The following OC90 variants were observed in gnomAD, a reference collection of about 807,000 sequenced individuals.
The protein encoded by OC90 is otoconin-90.
OC90 carries 46 observed loss-of-function variants against 47.3 expected under a neutral mutation model. The ratio of observed to expected loss-of-function variants is 0.97; its 90% CI spans 0.77 to 1.24. The LOEUF is 1.24. Among genes scored for constraint, OC90 ranks in the 50% most tolerant of loss-of-function variants. The pLI is 0.00. For synonymous variants in OC90, 271 were observed against 219.5 expected (o/e 1.23, Z -2.07); for missense variants, 688 against 583.9 (o/e 1.18, Z -1.84).
chr8:132,036,346 CT>C, intron 9 of OC90: 1 of 780,436 alleles, frequency 1.3e-6, no homozygotes. Flanking sequence ...CCAGGCTGTC[CT>C]TTTCCAAATT....
At chr8:132,058,352 T>C (rs1300060441) in intron 1 of OC90, among the ~76,000 whole-genome samples, 1 of 152,152 alleles carries the variant, frequency 6.6e-6, no homozygotes, top group East Asian at 1.9e-4. Context: ...CCCAAGGAAG[T>C]CTCTGGGGCT....
chr8:132,041,683 G>C lies in OC90; in HGVS notation c.186C>G (p.His62Gln). Residue 62 changes from histidine (H) to glutamine (Q), a missense_variant, in exon 5 of 14, where the codon CAC becomes CAG. His to Gln is a conservative substitution (Grantham distance 24). Transcript: ENST00000254627. ...VAEIFDCLGP[H>Q]FTWLQAVFTN... Reference sequence around the variant, plus strand: ...TGAAGACAGCCTGCAGCCAGGTGAAGTGGGGGCCCAGGCAATCTGTGGGGG... The same window carrying C: ...TGAAGACAGCCTGCAGCCAGGTGAACTGGGGGCCCAGGCAATCTGTGGGGG... 1 of 1,603,456 alleles carries C rather than the reference G, an allele frequency of 6.2e-7. No individual in the cohort carries two copies.
At chr8:132,050,657 G>T (rs905599941) in intron 2 of OC90, among the ~76,000 whole-genome samples, 2 of 152,072 alleles carry the variant, frequency 1.3e-5, no homozygotes, top group African/African-American at 4.8e-5. Context: ...TGAGACAATT[G>T]TATCTGCCTG....
At chr8:132,045,253 C>T (rs1485553317) in intron 3 of OC90, among the ~76,000 whole-genome samples, 2 of 152,134 alleles carry the variant, frequency 1.3e-5, no homozygotes, top group Non-Finnish European at 2.9e-5. Context: ...TTTGGTTGAC[C>T]CAACTCACTC....
chr8:132,048,533 T>C (rs527436999), intron 2 of OC90, among the ~76,000 whole-genome samples: 40 of 151,508 alleles, frequency 2.6e-4, no homozygotes, highest in African/African-American at 9.8e-4. Flanking sequence ...TTTTCCTGAC[T>C]GAAAAACCCT....
rs1217770918 is a variant in OC90 at position 132,045,834 on chromosome 8, T to C, written c.96A>G (p.Gly32=). The change falls in exon 3 of 14, where the codon GGA becomes GGG. Residue 32 remains glycine (G), a synonymous_variant. Transcript: ENST00000254627. ...TPHLPQELPP[G]LPNNINITFF... is the part of the protein sequence containing the mutation. ...AATCCTTACTGATATTGTTTGGGAGTCCTGGAGGCAGCTCCTGTGGAAGAT... is the reference window on the plus strand; with the variant it reads ...AATCCTTACTGATATTGTTTGGGAGCCCTGGAGGCAGCTCCTGTGGAAGAT... 4 of 1,543,584 alleles carry C rather than the reference T, an allele frequency of 2.6e-6. No homozygotes were observed. The East Asian group carries it at 9.8e-5, about 38-fold the overall frequency.
At chr8:132,028,718 A>C (rs1563727726) in intron 13 of OC90, among the ~76,000 whole-genome samples, 1 of 147,948 alleles carries the variant, frequency 6.8e-6, no homozygotes. Context: ...GAAAGAAAGA[A>C]AGAAAGAGAA....
At chr8:132,034,596 A>G (rs771837695) in intron 10 of OC90, among the ~76,000 whole-genome samples, 185 bp downstream of exon 10, 4 of 152,162 alleles carry the variant, frequency 2.6e-5, no homozygotes, top group Non-Finnish European at 4.4e-5. Context: ...TTTGGTGTTA[A>G]TCACCCTCCC....
intron 2 of OC90, among the ~76,000 whole-genome samples, chr8:132,050,155 A>G (rs1823192660): frequency 6.9e-6 from 1 of 145,808 alleles, no homozygotes; most frequent in Admixed American, 7.1e-5. Context: ...GAAGCTTTCT[A>G]GGTAAAGGGG....
intron 2 of OC90, among the ~76,000 whole-genome samples, chr8:132,053,797 C>T (rs1034890090): frequency 6.6e-6 from 1 of 152,172 alleles, no homozygotes; most frequent in Non-Finnish European, 1.5e-5. Flanking sequence ...TCTCCCTCTC[C>T]TAATGCAAAT....
At chr8:132,059,158 A>C in intron 1 of OC90, among the ~76,000 whole-genome samples, 183 bp downstream of exon 1, 9 of 125,318 alleles carry the variant, frequency 7.2e-5, no homozygotes, top group South Asian at 5.1e-4. Context: ...GCCTCTTTCC[A>C]TCTCCCAACC....
intron 1 of OC90, among the ~76,000 whole-genome samples, chr8:132,055,594 A>G (rs1823270877): frequency 6.6e-6 from 1 of 152,340 alleles, no homozygotes; most frequent in Non-Finnish European, 1.5e-5. Flanking sequence ...TTCAACGATC[A>G]CTTGACATAG....
At chr8:132,045,422 T>C (rs1278540185) in intron 3 of OC90, among the ~76,000 whole-genome samples, 3 of 152,202 alleles carry the variant, frequency 2.0e-5, no homozygotes, top group Non-Finnish European at 2.9e-5. Context: ...GAAACAAATA[T>C]GGATCCTCCT....
chr8:132,041,480 T>A (rs765615328), intron 5 of OC90, 45 bp downstream of exon 5: 30 of 1,557,876 alleles, frequency 1.9e-5, no homozygotes, highest in African/African-American at 4.1e-5. Context: ...AGGCCTCCCA[T>A]GAGCTCACTT....
At chr8:132,032,752 G>A (rs997976545) in intron 11 of OC90, among the ~76,000 whole-genome samples, 2 of 152,120 alleles carry the variant, frequency 1.3e-5, no homozygotes, top group Non-Finnish European at 2.9e-5. Context: ...CGGTGTGGAC[G>A]AAGCCAAGCT....
Position 132,024,580 on chromosome 8 carries a change from G to A in OC90, c.1335C>T (p.Asp445=), listed in dbSNP as rs772851932. 2 of 1,613,434 alleles carry A rather than the reference G, an allele frequency of 1.2e-6. No individual in the cohort carries two copies. The highest frequency in any genetic ancestry group is 4.5e-5 in the East Asian group (2 of 44,858). Residue 445 remains aspartate (D), a synonymous_variant, in exon 14 of 14, where the codon GAC becomes GAT. Coordinates refer to ENST00000254627, the MANE Select transcript of OC90 (RefSeq NM_001080399.3). ...APTLGSSSEE[D]SEEDPPQEDL... ...CCTCCTGTGGAGGGTCCTCCTCGCT[G>A]TCCTCCTCAGAGCTGGAGCCCAGGG...
Position 132,041,608 on chromosome 8 carries a change from A to G in OC90, c.261T>C (p.Ala87=), listed in dbSNP as rs1206619786. The change falls in exon 5 of 14, where the codon GCT becomes GCC. Residue 87 remains alanine, a synonymous_variant. Coordinates refer to ENST00000254627, the MANE Select transcript of OC90 (RefSeq NM_001080399.3). ...CTTCAAAGTCTCGGGGGCAGAGACC[A>G]GCCACACACTTCATACCATTGACAA... ...IQFVNGMKCV[A]GLCPRDFEDY... is the part of the protein sequence containing the mutation. 6.2e-7 allele frequency: 1 copy of G among 1,613,222 alleles called. No individual in the cohort carries two copies. The highest frequency in any genetic ancestry group is 8.5e-7 in the Non-Finnish European group (1 of 1,179,592).
intron 13 of OC90, among the ~76,000 whole-genome samples, chr8:132,028,526 AAAAG>A (rs372685836): frequency 6.9e-4 from 60 of 87,562 alleles, no homozygotes; most frequent in African/African-American, 1.0e-3. Flanking sequence ...AGAAAGAAAG[AAAAG>A]AAAGAAAGAA....
chr8:132,057,996 T>C (rs1473537245), intron 1 of OC90, among the ~76,000 whole-genome samples: 1 of 152,236 alleles, frequency 6.6e-6, no homozygotes, highest in African/African-American at 2.4e-5. Context: ...ATTCCAGTGA[T>C]GACTCACTGC....
Sources: gnomAD v4.1 joint callset for allele counts (sites outside exome capture counted in the v4.1 genomes callset) on GRCh38, gnomAD v4.1.1 for gene constraint, MANE v1.5 for transcripts, NCBI Gene and HGNC (gene_info 2026-07-23, HGNC 2026-07-21) for gene names.